Variants in LARGE1 observed in about 807,000 individuals in gnomAD.
The protein encoded by LARGE1 is xylosyl- and glucuronyltransferase LARGE1.
A neutral mutation model predicts 87.6 loss-of-function variants in LARGE1; 43 were observed. The observed-to-expected ratio is 0.49, with a 90% CI of 0.38 to 0.63. LARGE1 has a LOEUF of 0.63. LARGE1 is among the 30% of genes least tolerant of loss of function. The probability of loss-of-function intolerance (pLI) is 0.00; values close to 1 mark genes in which losing one functional copy is unlikely to be tolerated. For missense variants in LARGE1, 802 were observed against 1,000.2 expected, an observed-to-expected ratio of 0.80 and a Z score of 2.67; for synonymous variants, 434 against 394.6, an observed-to-expected ratio of 1.10 and a Z score of -1.18.
chr22:33,314,180 C>T (rs1935902129), intron 11 of LARGE1, among the ~76,000 whole-genome samples: 1 of 151,728 alleles, frequency 6.6e-6, no homozygotes, highest in Non-Finnish European at 1.5e-5. Flanking sequence ...ATGCTTGTCC[C>T]TTGCTCTTTT....
At chr22:33,281,602 T>C (rs1054638048) in intron 13 of LARGE1, among the ~76,000 whole-genome samples, 7 of 152,188 alleles carry the variant, frequency 4.6e-5, no homozygotes, top group African/African-American at 1.7e-4. Flanking sequence ...GAATTAAATA[T>C]GTAATCACGG....
At chr22:33,824,251 G>T (rs987975675) in intron 1 of LARGE1, among the ~76,000 whole-genome samples, 18 of 152,160 alleles carry the variant, frequency 1.2e-4, no homozygotes, top group African/African-American at 3.4e-4. Context: ...TTTATAAGCA[G>T]AAGAGGTTTA....
At chr22:33,539,145 G>C (rs144468808) in intron 6 of LARGE1, among the ~76,000 whole-genome samples, 464 of 152,128 alleles carry the variant, frequency 3.1e-3, no homozygotes, top group African/African-American at 0.011. Context: ...CTTTTGGATT[G>C]TGATGAAAAA....
chr22:33,089,336 C>G, the LARGE1 span, among the ~76,000 whole-genome samples: 1 of 74,620 alleles, frequency 1.3e-5, no homozygotes, highest in Admixed American at 1.3e-4. Context: ...TCTTCTTCTT[C>G]TTCTTCTTCT....
intron 2 of LARGE1, chr22:33,723,719 C>T (rs1457251145): frequency 6.6e-6 from 1 of 151,660 alleles, no homozygotes; most frequent in African/African-American, 2.4e-5. Flanking sequence ...CATTCTGAGC[C>T]CCCCTTTTTT....
chr22:33,650,511 G>GC lies in LARGE1; in HGVS notation c.263dup (p.Arg89ProfsTer76). 6.2e-7 allele frequency: 1 copy of GC among 1,613,096 alleles called. No individual in the cohort carries two copies. The highest frequency in any genetic ancestry group is 8.5e-7 in the Non-Finnish European group (1 of 1,180,024). ...TGCCTCGGCGATGGGATGGGGCTCG[G>GC]CCCTGGGCCAGGCTGAGCTGCCTGC... On this transcript the variant is annotated frameshift_variant, in exon 3 of 15. Transcript: ENST00000397394. LOFTEE classifies it high-confidence loss of function.
At chr22:33,675,194 T>C (rs2081532439) in intron 2 of LARGE1, among the ~76,000 whole-genome samples, 1 of 144,396 alleles carries the variant, frequency 6.9e-6, no homozygotes, top group African/African-American at 2.6e-5. Context: ...CTCAGGAGGC[T>C]AAGGCAGCAG....
At chr22:33,319,474 C>A (rs896701939) in intron 10 of LARGE1, among the ~76,000 whole-genome samples, 2 of 152,166 alleles carry the variant, frequency 1.3e-5, no homozygotes, top group Admixed American at 1.3e-4. Flanking sequence ...CAGCTCACTG[C>A]AACCTCTGCC....
At chr22:33,284,530 A>G (rs1384960657) in intron 12 of LARGE1, among the ~76,000 whole-genome samples, 1 of 151,336 alleles carries the variant, frequency 6.6e-6, no homozygotes, top group Non-Finnish European at 1.5e-5. Context: ...AAAGGGAGAA[A>G]GGCTCATGGA....
At chr22:33,748,043 A>AC (rs2084162366) in intron 2 of LARGE1, among the ~76,000 whole-genome samples, 1 of 149,984 alleles carries the variant, frequency 6.7e-6, no homozygotes, top group South Asian at 2.1e-4. Flanking sequence ...AAAAAAAAAA[A>AC]AAAAAAAAAG....
chr22:33,793,788 C>CTT (rs60677740), intron 1 of LARGE1, among the ~76,000 whole-genome samples: 30 of 148,844 alleles, frequency 2.0e-4, no homozygotes, highest in East Asian at 3.9e-4. Flanking sequence ...CACCCCCCAA[C>CTT]TTTTTTTTTT....
chr22:33,457,691 G>C (rs1399193336), intron 6 of LARGE1, among the ~76,000 whole-genome samples: 2 of 152,106 alleles, frequency 1.3e-5, no homozygotes, highest in African/African-American at 4.8e-5. Context: ...TATTGCAAAA[G>C]AGTAATTTTT....
intron 6 of LARGE1, among the ~76,000 whole-genome samples, chr22:33,487,563 G>C (rs2069641074): frequency 6.6e-6 from 1 of 152,134 alleles, no homozygotes; most frequent in Non-Finnish European, 1.5e-5. Context: ...TGGGTAATCA[G>C]AGAAAGTGCC....
intron 7 of LARGE1, among the ~76,000 whole-genome samples, chr22:33,399,447 C>T (rs193064372): frequency 2.0e-3 from 309 of 152,264 alleles, no homozygotes; most frequent in African/African-American, 7.2e-3. Flanking sequence ...AATAAACATA[C>T]GTGTGCATGT....
chr22:33,775,750 G>T (rs2085214034), intron 1 of LARGE1, among the ~76,000 whole-genome samples: 1 of 151,936 alleles, frequency 6.6e-6, no homozygotes, highest in African/African-American at 2.4e-5. Context: ...TACTGGGGAG[G>T]CTCAGGCAGG....
chr22:33,442,314 G>C (rs2067508378), intron 6 of LARGE1, among the ~76,000 whole-genome samples: 1 of 152,200 alleles, frequency 6.6e-6, no homozygotes, highest in African/African-American at 2.4e-5. Context: ...CAGCAGGGAA[G>C]AAAACAGGCA....
intron 5 of LARGE1, chr22:33,572,047 T>C (rs1162653221): frequency 6.8e-6 from 3 of 442,760 alleles, no homozygotes; most frequent in South Asian, 3.6e-5. Flanking sequence ...GTAATAGTAG[T>C]ATATCCTGCT....
At chr22:33,315,944 A>T (rs1045502031) in intron 11 of LARGE1, 141 bp downstream of exon 11, 1 of 988,206 alleles carries the variant, frequency 1.0e-6, no homozygotes, top group Non-Finnish European at 1.5e-6. Flanking sequence ...TCAATATTCT[A>T]AGCCCATGTG....
At chr22:33,259,197 G>C (rs1927485423) in intron 11 of LARGE1, among the ~76,000 whole-genome samples, 1 of 152,044 alleles carries the variant, frequency 6.6e-6, no homozygotes, top group Admixed American at 6.6e-5. Flanking sequence ...TTTATTCTAA[G>C]AAATGCTGAA....
Sources: gnomAD v4.1 joint callset for allele counts (sites outside exome capture counted in the v4.1 genomes callset) on GRCh38, gnomAD v4.1.1 for gene constraint, MANE v1.5 for transcripts, NCBI Gene and HGNC (gene_info 2026-07-23, HGNC 2026-07-21) for gene names.